TSPEAR: variants seen among roughly 807,000 people sequenced by gnomAD.
The protein encoded by TSPEAR is thrombospondin-type laminin G domain and EAR repeat-containing protein.
TSPEAR carries 69 observed loss-of-function variants against 71.6 expected under a neutral mutation model. The ratio of observed to expected loss-of-function variants is 0.96; its 90% CI spans 0.79 to 1.18. The LOEUF is 1.18. TSPEAR is among the 50% of genes most tolerant of loss of function. The pLI is 0.00. For missense variants in TSPEAR, 971 were observed against 894.9 expected (o/e 1.09, Z -1.09); for synonymous variants, 402 against 387.2 (o/e 1.04, Z -0.45).
Position 44,575,192 on chromosome 21 carries a change from AG to A in TSPEAR, c.83-7188del, listed in dbSNP as rs1240876596. On this transcript the variant is annotated intron_variant, in intron 1 of 11. Transcript: ENST00000323084. The stretch of plus-strand genomic sequence containing the variant: ...AATGCTGCAGCCCTCTTGCGGGGGG[AG>A]GGGGGCGCTTCTAGAAAGTTCCCAT... 16 of 729,124 alleles carry A rather than the reference AG, an allele frequency of 2.2e-5. No homozygotes were observed. The Admixed American group carries it at 2.4e-4, about 11-fold the overall frequency. 45.2% of individuals were successfully genotyped at this position (729,124 alleles called of 1,614,324 possible). A position where few individuals can be genotyped will look rare whatever the true frequency, so the allele number is the denominator to read the frequency against.
At chr21:44,619,111 G>T (rs1245273167) in intron 1 of TSPEAR, among the ~76,000 whole-genome samples, 2 of 152,124 alleles carry the variant, frequency 1.3e-5, no homozygotes, top group Non-Finnish European at 2.9e-5. Flanking sequence ...GTGCAAGCAG[G>T]AAGTGAAGGG....
intron 1 of TSPEAR, among the ~76,000 whole-genome samples, chr21:44,615,695 A>C (rs1174897308): frequency 6.6e-6 from 1 of 152,076 alleles, no homozygotes; most frequent in African/African-American, 2.4e-5. Context: ...CAGCGAGTGC[A>C]GCTGAAGATG....
intron 1 of TSPEAR, among the ~76,000 whole-genome samples, chr21:44,665,317 C>A (rs1188132842): frequency 6.6e-6 from 1 of 152,200 alleles, no homozygotes; most frequent in African/African-American, 2.4e-5. Context: ...CAGTTCTGGG[C>A]TATGCTATCT....
At chr21:44,673,286 T>C (rs1555946335) in intron 1 of TSPEAR, among the ~76,000 whole-genome samples, 1 of 152,202 alleles carries the variant, frequency 6.6e-6, no homozygotes, top group Non-Finnish European at 1.5e-5. Flanking sequence ...CAGACAAGGA[T>C]ACTATACTCA....
chr21:44,681,187 AAT>A (rs1306960969), intron 1 of TSPEAR, among the ~76,000 whole-genome samples: 2 of 152,218 alleles, frequency 1.3e-5, no homozygotes, highest in Non-Finnish European at 2.9e-5. Context: ...CTGCAGAACT[AAT>A]CCAGTTCTGT....
At chr21:44,682,079 G>T in intron 1 of TSPEAR, 1 of 1,613,938 alleles carries the variant, frequency 6.2e-7, no homozygotes, top group Admixed American at 1.7e-5. Context: ...GGCTGGGCGC[G>T]CAGCAGGCTG....
rs1272293893 is a variant in TSPEAR at position 44,623,743 on chromosome 21, C to T, written c.83-55738G>A. Among the ~76,000 whole-genome samples, 1 of 152,190 alleles carries T rather than the reference C, an allele frequency of 6.6e-6. No individual in the cohort carries two copies. Among genetic ancestry groups the T allele is most frequent in the Non-Finnish European group, 1.5e-5 (1 of 68,028 alleles). On this transcript the variant is annotated intron_variant, in intron 1 of 11. Coordinates refer to ENST00000323084, the MANE Select transcript of TSPEAR (RefSeq NM_144991.3). This position sits in a 1 kb window ranked among gnomAD's most constrained non-coding sequence, Gnocchi z 4.5. ...GACAGTAAATATATCATTCCATCAT[C>T]CTCTGGCTGCCATCATTTCTACTGA...
Position 44,612,439 on chromosome 21 carries a change from C to T in TSPEAR, c.83-44434G>A. The T allele has an allele frequency of 6.2e-7, 1 of 1,613,848 alleles. No individual in the cohort carries two copies. The highest frequency in any genetic ancestry group is 8.5e-7 in the Non-Finnish European group (1 of 1,179,920). On this transcript the variant is annotated intron_variant, in intron 1 of 11. Transcript: ENST00000323084. The surrounding 1 kb of genome is among the most constrained non-coding windows in gnomAD (Gnocchi z 4.1). Reference sequence around the variant, plus strand: ...AGCCGGCTTGCTGCACCTCCTCCCCCTGCCAACAGGCCTGCTGTGTGCCTG... The same window carrying T: ...AGCCGGCTTGCTGCACCTCCTCCCCTTGCCAACAGGCCTGCTGTGTGCCTG...
At chr21:44,539,172 C>A in intron 2 of TSPEAR, 1 of 1,443,422 alleles carries the variant, frequency 6.9e-7, no homozygotes, top group South Asian at 1.4e-5. Flanking sequence ...GGGGGGGTCA[C>A]CTCAGCACAG....
intron 11 of TSPEAR, among the ~76,000 whole-genome samples, chr21:44,500,357 C>T (rs780425787): frequency 6.6e-5 from 10 of 152,226 alleles, no homozygotes; most frequent in Admixed American, 1.3e-4. Flanking sequence ...CTGCCCGCTG[C>T]TCTGCGGCCC....
At chr21:44,573,510 G>A (rs1460407098) in intron 1 of TSPEAR, among the ~76,000 whole-genome samples, 9 of 152,138 alleles carry the variant, frequency 5.9e-5, no homozygotes, top group Admixed American at 3.9e-4. Context: ...ACGCACATGC[G>A]CCCCAGGCCA....
intron 8 of TSPEAR, among the ~76,000 whole-genome samples, 193 bp from the exon 9 acceptor site, chr21:44,522,305 C>A (rs587638231): frequency 6.6e-6 from 1 of 152,348 alleles, no homozygotes; most frequent in South Asian, 2.1e-4. Context: ...CACCTCTGGG[C>A]CATCACAGGT....
At chr21:44,644,001 G>A (rs73909205) in intron 1 of TSPEAR, among the ~76,000 whole-genome samples, 2,294 of 152,336 alleles carry the variant, frequency 0.015, 55 homozygotes, top group African/African-American at 0.053. Flanking sequence ...ATCCAAATGT[G>A]TGTCACTTGC....
chr21:44,550,692 C>T (rs1386788956), intron 2 of TSPEAR: 2 of 1,613,568 alleles, frequency 1.2e-6, no homozygotes, highest in East Asian at 4.5e-5. Context: ...ACATGGCCAT[C>T]AGCAGCTAGA....
At chr21:44,574,968 C>G (rs782427289) in intron 1 of TSPEAR, 2 of 1,612,150 alleles carry the variant, frequency 1.2e-6, no homozygotes, top group Admixed American at 3.3e-5. Context: ...CCTCTGACGC[C>G]CCGTGTGCTC....
chr21:44,648,149 C>T (rs1984552611), intron 1 of TSPEAR, among the ~76,000 whole-genome samples: 1 of 152,202 alleles, frequency 6.6e-6, no homozygotes, highest in Non-Finnish European at 1.5e-5. Flanking sequence ...CCTGGAGTTA[C>T]TCAGACGTCA....
chr21:44,559,700 G>A (rs2053605803), intron 2 of TSPEAR, among the ~76,000 whole-genome samples: 2 of 152,214 alleles, frequency 1.3e-5, no homozygotes, highest in South Asian at 4.1e-4. Flanking sequence ...ACACCTGTGT[G>A]TATCAGCCCA....
rs942786945 is a variant in TSPEAR, at chr21:44,528,515, A to G, written c.859T>C (p.Phe287Leu). The G allele has an allele frequency of 6.2e-7, 1 of 1,614,144 alleles. No homozygotes were observed. ...CTEVEDAQFW[F>L]DASRKGLYLC... ...TACAGGCCCTTCCGGCTGGCATCAA[A>G]CCAGAACTGGGCGTCTTCCACCTCG... is the stretch of plus-strand genomic sequence containing the variant. The change falls in exon 6 of 12, where the codon TTT becomes CTT. Residue 287 changes from phenylalanine (F) to leucine (L), a missense_variant. Physicochemically the swap from Phe to Leu is conservative, Grantham distance 22. Coordinates refer to ENST00000323084, the MANE Select transcript of TSPEAR (RefSeq NM_144991.3).
chr21:44,678,935 G>A (rs1986449788), intron 1 of TSPEAR, among the ~76,000 whole-genome samples: 1 of 152,110 alleles, frequency 6.6e-6, no homozygotes, highest in Non-Finnish European at 1.5e-5. Context: ...ACCTGTTCTG[G>A]GAAGGCCTCT....
Sources: gnomAD v4.1 joint callset for allele counts (sites outside exome capture counted in the v4.1 genomes callset) on GRCh38, gnomAD v4.1.1 for gene constraint, Gnocchi (gnomAD v3.1) non-coding constraint, MANE v1.5 for transcripts, NCBI Gene and HGNC (gene_info 2026-07-23, HGNC 2026-07-21) for gene names.